Variants in VNN1 observed in about 807,000 individuals in gnomAD.
VNN1 encodes the protein vanin 1, also known as pantetheinase.
A neutral mutation model predicts 41.9 loss-of-function variants in VNN1; 29 were observed. The ratio of observed to expected loss-of-function variants is 0.69; its 90% CI spans 0.52 to 0.94. The LOEUF (loss-of-function observed/expected upper bound fraction) is 0.94, where lower values mean the gene tolerates loss of function less well. Ranked by LOEUF, VNN1 falls within the 40% of genes least tolerant of loss-of-function variation. The pLI is 0.00. For missense variants in VNN1, 637 were observed against 621.1 expected, an observed-to-expected ratio of 1.03 and a Z score of -0.27; for synonymous variants, 233 against 224.4, an observed-to-expected ratio of 1.04 and a Z score of -0.34.
chr6:132,705,448 A>C (rs1043421994), intron 2 of VNN1, among the ~76,000 whole-genome samples: 1 of 151,854 alleles, frequency 6.6e-6, no homozygotes, highest in Non-Finnish European at 1.5e-5. Flanking sequence ...TTGACACTGA[A>C]AAAATATTTG....
chr6:132,690,461 T>C (rs1372720756), intron 5 of VNN1, among the ~76,000 whole-genome samples: 1 of 152,186 alleles, frequency 6.6e-6, no homozygotes, highest in Non-Finnish European at 1.5e-5. Context: ...CTACTCTTTT[T>C]CACCTGGATA....
At position 132,683,332 on chromosome 6, in the gene VNN1, AC is replaced by A; in HGVS notation, c.1360-11del. On this transcript the variant is annotated splice_polypyrimidine_tract_variant and intron_variant, in intron 6 of 6. Transcript: ENST00000367928. ...GTCCGTCAGTTGACACCTGATTAAA[AC>A]AAAAAAGTAGGCAAAGGCTACCTTC... The A allele has an allele frequency of 6.2e-7, 1 of 1,607,070 alleles. No homozygotes were observed.
intron 3 of VNN1, among the ~76,000 whole-genome samples, chr6:132,693,599 C>T (rs1173697855): frequency 2.0e-5 from 3 of 152,194 alleles, no homozygotes; most frequent in Admixed American, 1.3e-4. Flanking sequence ...GCCAAGTAGA[C>T]TTAACTGTTT....
intron 2 of VNN1, among the ~76,000 whole-genome samples, chr6:132,695,268 T>G (rs1324100108): frequency 2.0e-5 from 3 of 152,234 alleles, no homozygotes; most frequent in Non-Finnish European, 4.4e-5. Context: ...TGTTGGAATC[T>G]GTCTAATATT....
chr6:132,704,563 T>G (rs6938367), intron 2 of VNN1, among the ~76,000 whole-genome samples: 116,868 of 151,908 alleles, frequency 0.77, 45,904 homozygotes, highest in East Asian at 0.94. Flanking sequence ...AGCAAAATCG[T>G]TCTAAGAGGA....
rs75986040 is a variant in VNN1 at position 132,686,603 on chromosome 6, G to A, written c.1189-2098C>T. 6.7e-3 allele frequency among the ~76,000 whole-genome samples: 1,015 copies of A among 152,278 alleles called. 20 individuals carry two copies. In the East Asian group the frequency reaches 0.072, roughly 11 times the overall value. On this transcript the variant is annotated intron_variant, in intron 5 of 6. Transcript: ENST00000367928. ...GAAGTCTCCAAAGACACTTACCTCC[G>A]ATTTCCCCGCAGCAAAAGGTCCAGC...
At chr6:132,695,479 T>C (rs1351701548) in intron 2 of VNN1, among the ~76,000 whole-genome samples, 1 of 152,100 alleles carries the variant, frequency 6.6e-6, no homozygotes, top group East Asian at 1.9e-4. Flanking sequence ...ATAATGACCT[T>C]GTCTTTCAAA....
intron 4 of VNN1, 138 bp downstream of exon 4, chr6:132,692,886 T>C: frequency 9.5e-7 from 1 of 1,055,006 alleles, no homozygotes; most frequent in Non-Finnish European, 1.3e-6. Context: ...TTCTATAGCA[T>C]ATTAACAGCT....
chr6:132,699,974 T>C lies in VNN1; in HGVS notation c.342-5792A>G, dbSNP rs973084076. Among the ~76,000 whole-genome samples the C allele has an allele frequency of 4.6e-5, 7 of 152,340 alleles. No individual in the cohort carries two copies. In the South Asian group the frequency reaches 1.0e-3, roughly 23 times the overall value. On this transcript the variant is annotated intron_variant, in intron 2 of 6. Transcript: ENST00000367928. The stretch of plus-strand genomic sequence containing the variant: ...ATGAATTTTGAAAGTAGCACTAAAA[T>C]TGTGTTTTTATTACACATCTTGCTG...
chr6:132,692,293 A>G lies in VNN1; in HGVS notation c.1118T>C (p.Ile373Thr), dbSNP rs35938565. 2,187 of 1,614,124 alleles carry G rather than the reference A, an allele frequency of 1.4e-3. 30 individuals carry two copies. The African/African-American group carries it at 0.026, about 19-fold the overall frequency. The change falls in exon 5 of 7, where the codon ATA becomes ACA. Residue 373 changes from isoleucine to threonine, a missense_variant. Coordinates refer to ENST00000367928, the MANE Select transcript of VNN1 (RefSeq NM_004666.3). ...CCCTAGAGCGTACACTTCATTTGGT[A>G]TGTTCTCAGACATTTTGTAGCTTAA... Reference protein sequence around the residue: ...CHLSYKMSENIPNEVYALGAF... With the variant: ...CHLSYKMSENTPNEVYALGAF...
intron 2 of VNN1, among the ~76,000 whole-genome samples, chr6:132,709,687 A>G (rs1778571026): frequency 6.6e-6 from 1 of 151,726 alleles, no homozygotes; most frequent in South Asian, 2.1e-4. Flanking sequence ...AGAGAGAGAG[A>G]CAGAGAGAAT....
At chr6:132,697,086 C>T (rs1199234566) in intron 2 of VNN1, among the ~76,000 whole-genome samples, 3 of 150,636 alleles carry the variant, frequency 2.0e-5, no homozygotes, top group African/African-American at 7.4e-5. Flanking sequence ...GCCTGGGTGA[C>T]AGAGTGAGAC....
chr6:132,710,585 G>A (rs961833066), intron 2 of VNN1, among the ~76,000 whole-genome samples: 7 of 151,970 alleles, frequency 4.6e-5, no homozygotes, highest in African/African-American at 1.5e-4. Context: ...ATGTATTCTC[G>A]TTGTTCAACT....
intron 2 of VNN1, among the ~76,000 whole-genome samples, chr6:132,701,531 A>G (rs1170758390): frequency 6.6e-6 from 1 of 152,206 alleles, no homozygotes; most frequent in Non-Finnish European, 1.5e-5. Context: ...TCAACATCAT[A>G]CTGGAAGTCC....
intron 2 of VNN1, among the ~76,000 whole-genome samples, chr6:132,701,467 C>T (rs117089100): frequency 2.6e-5 from 4 of 152,290 alleles, no homozygotes; most frequent in Non-Finnish European, 5.9e-5. Context: ...AAGCTGAAAG[C>T]CTTTGTTCTA....
At chr6:132,694,309 T>C in intron 2 of VNN1, 127 bp from the exon 3 acceptor site, 1 of 1,007,764 alleles carries the variant, frequency 9.9e-7, no homozygotes, top group Non-Finnish European at 1.4e-6. Context: ...ATAACAATAA[T>C]TAGAAGAGAA....
At chr6:132,695,317 A>G (rs1778353092) in intron 2 of VNN1, among the ~76,000 whole-genome samples, 1 of 152,188 alleles carries the variant, frequency 6.6e-6, no homozygotes, top group Non-Finnish European at 1.5e-5. Context: ...TTCCAGAAGA[A>G]TGCTTGGAAG....
intron 6 of VNN1, 47 bp from the exon 7 acceptor site, chr6:132,683,369 A>G (rs1356363317): frequency 6.5e-7 from 1 of 1,542,276 alleles, no homozygotes; most frequent in Non-Finnish European, 8.8e-7. Context: ...AAGTTTTACA[A>G]TCCCATAAAT....
chr6:132,702,757 C>T (rs1229143251), intron 2 of VNN1, among the ~76,000 whole-genome samples: 3 of 152,208 alleles, frequency 2.0e-5, no homozygotes, highest in African/African-American at 7.2e-5. Flanking sequence ...TATTTCTAGA[C>T]ATACACTAGG....
Sources: gnomAD v4.1 joint callset for allele counts (sites outside exome capture counted in the v4.1 genomes callset) on GRCh38, gnomAD v4.1.1 for gene constraint, MANE v1.5 for transcripts, NCBI Gene and HGNC (gene_info 2026-07-23, HGNC 2026-07-21) for gene names.